Variants in PTCHD4 observed in about 807,000 individuals in gnomAD.
PTCHD4 encodes the protein patched domain-containing protein 4.
A neutral mutation model predicts 58.1 loss-of-function variants in PTCHD4; 33 were observed. The ratio of observed to expected loss-of-function variants is 0.57; its 90% CI spans 0.43 to 0.76. The LOEUF (loss-of-function observed/expected upper bound fraction) is 0.76. Ranked by LOEUF, PTCHD4 falls within the 30% of genes least tolerant of loss-of-function variation. The pLI, the probability that PTCHD4 is intolerant of heterozygous loss-of-function variation, is 0.00. For missense variants in PTCHD4, 1,058 were observed against 1,027.1 expected, an observed-to-expected ratio of 1.03 and a Z score of -0.41; for synonymous variants, 478 against 409.6, an observed-to-expected ratio of 1.17 and a Z score of -2.02.
chr6:48,078,988 G>A (rs566339578), intron 1 of PTCHD4, among the ~76,000 whole-genome samples: 5 of 151,892 alleles, frequency 3.3e-5, no homozygotes, highest in African/African-American at 9.7e-5. Context: ...GCGTGGTGCC[G>A]GGCGCCTGTA....
chr6:48,094,439 A>G (rs1226724916), intron 1 of PTCHD4, among the ~76,000 whole-genome samples: 2 of 152,196 alleles, frequency 1.3e-5, no homozygotes, highest in Admixed American at 1.3e-4. Context: ...ATTACAGATA[A>G]AATGAAGAAA....
At chr6:48,043,569 C>A (rs186833080) in intron 3 of PTCHD4, among the ~76,000 whole-genome samples, 2 of 151,884 alleles carry the variant, frequency 1.3e-5, no homozygotes, top group East Asian at 1.9e-4. Context: ...AAGTCATTTG[C>A]TATAATGCAT....
chr6:48,090,106 A>C (rs969869937), intron 1 of PTCHD4, among the ~76,000 whole-genome samples: 3 of 151,266 alleles, frequency 2.0e-5, no homozygotes, highest in Non-Finnish European at 4.4e-5. Flanking sequence ...GTTAATTCAG[A>C]ATCTACAGTG....
In PTCHD4 at chr6:47,865,708, T is replaced by A. The variant is rs1178166495; in HGVS notation, c.*12595A>T. Among the ~76,000 whole-genome samples the A allele has an allele frequency of 6.6e-6, 1 of 151,844 alleles. No homozygotes were observed. The highest frequency in any genetic ancestry group is 2.4e-5 in the African/African-American group (1 of 41,402). On this transcript the variant is annotated 3_prime_UTR_variant, in exon 5 of 5. Coordinates refer to ENST00000339488, the MANE Select transcript of PTCHD4 (RefSeq NM_001384253.1). ...TGACCACAACAGCCTCCTAACTTAA[T>A]TCTTTGGTTCAGGTCTCTCATCTCC...
chr6:47,912,795 GA>G (rs1765111287), intron 4 of PTCHD4, among the ~76,000 whole-genome samples: 1 of 152,088 alleles, frequency 6.6e-6, no homozygotes, highest in African/African-American at 2.4e-5. Context: ...TTTGTTCCAA[GA>G]GCAGCACAGA....
intron 4 of PTCHD4, among the ~76,000 whole-genome samples, chr6:47,886,743 T>C (rs1764205462): frequency 1.3e-5 from 2 of 152,250 alleles, no homozygotes. Context: ...TATTGTTCAC[T>C]TCTTTGGCAT....
intron 4 of PTCHD4, among the ~76,000 whole-genome samples, chr6:47,993,260 T>C (rs139694798): frequency 6.6e-6 from 1 of 152,328 alleles, no homozygotes; most frequent in African/African-American, 2.4e-5. Flanking sequence ...GCATAACCTC[T>C]TTTAATGCCA....
chr6:47,943,892 T>TGACATAAA (rs1247236260), intron 4 of PTCHD4, among the ~76,000 whole-genome samples: 1 of 152,086 alleles, frequency 6.6e-6, no homozygotes, highest in Non-Finnish European at 1.5e-5. Flanking sequence ...CATAATATCC[T>TGACATAAA]AAGTTACTAT....
chr6:47,958,340 C>A (rs1261887442), intron 4 of PTCHD4, among the ~76,000 whole-genome samples: 1 of 152,154 alleles, frequency 6.6e-6, no homozygotes, highest in Non-Finnish European at 1.5e-5. Context: ...GACCACAAGA[C>A]AACATCTAAA....
At chr6:47,973,365 T>TA (rs1219310486) in intron 4 of PTCHD4, among the ~76,000 whole-genome samples, 1 of 152,242 alleles carries the variant, frequency 6.6e-6, no homozygotes, top group Non-Finnish European at 1.5e-5. Flanking sequence ...AGCTTTCACT[T>TA]ACTTTTACTT....
At chr6:47,905,356 T>A (rs1764844296) in intron 4 of PTCHD4, among the ~76,000 whole-genome samples, 1 of 152,146 alleles carries the variant, frequency 6.6e-6, no homozygotes, top group African/African-American at 2.4e-5. Context: ...TGCAGTGGCT[T>A]AGTAGAGAGA....
At chr6:47,899,290 T>C (rs532826180) in intron 4 of PTCHD4, among the ~76,000 whole-genome samples, 9 of 152,320 alleles carry the variant, frequency 5.9e-5, no homozygotes, top group African/African-American at 2.2e-4. Context: ...TTTTCCCAAA[T>C]ACCTGAGTTT....
chr6:47,982,486 T>C (rs1167473310), intron 4 of PTCHD4, among the ~76,000 whole-genome samples: 7 of 150,494 alleles, frequency 4.7e-5, no homozygotes, highest in Non-Finnish European at 1.0e-4. Flanking sequence ...TCTCTCTTTT[T>C]TTTTTTTTTT....
intron 4 of PTCHD4, among the ~76,000 whole-genome samples, chr6:47,950,445 A>C (rs1766598248): frequency 6.6e-6 from 1 of 152,108 alleles, no homozygotes; most frequent in South Asian, 2.1e-4. Flanking sequence ...ATACATTTTG[A>C]AGGTAGAGAT....
intron 4 of PTCHD4, among the ~76,000 whole-genome samples, chr6:47,911,314 T>C (rs2113867620): frequency 6.6e-6 from 1 of 152,244 alleles, no homozygotes; most frequent in East Asian, 1.9e-4. Flanking sequence ...TAAGCCACTA[T>C]GTAAACCTAC....
chr6:47,991,046 A>G (rs138431721), intron 4 of PTCHD4, among the ~76,000 whole-genome samples: 154 of 150,908 alleles, frequency 1.0e-3, no homozygotes, highest in African/African-American at 3.5e-3. Flanking sequence ...ATTGTAATAT[A>G]TGTTTGATTG....
At chr6:48,073,322 TG>T (rs1765007843) in intron 1 of PTCHD4, among the ~76,000 whole-genome samples, 1 of 152,224 alleles carries the variant, frequency 6.6e-6, no homozygotes, top group Non-Finnish European at 1.5e-5. Context: ...AAACTGGACT[TG>T]GACACAGAAT....
chr6:47,986,759 C>A (rs1171939699), intron 4 of PTCHD4, among the ~76,000 whole-genome samples: 1 of 152,128 alleles, frequency 6.6e-6, no homozygotes, highest in Non-Finnish European at 1.5e-5. Flanking sequence ...TAAGAATCAC[C>A]ATGAATATCA....
intron 4 of PTCHD4, among the ~76,000 whole-genome samples, chr6:47,937,874 T>C (rs1766060896): frequency 6.6e-6 from 1 of 152,086 alleles, no homozygotes; most frequent in Non-Finnish European, 1.5e-5. Context: ...ATATTTTGGC[T>C]GGGCGGGTTG....
Sources: allele counts gnomAD v4.1 joint callset (sites outside exome capture counted in the v4.1 genomes callset), GRCh38; gene constraint gnomAD v4.1.1; transcripts MANE v1.5; gene names NCBI Gene and HGNC (gene_info 2026-07-23, HGNC 2026-07-21).